SLC35F4: variants seen among roughly 807,000 people sequenced by gnomAD.
The protein encoded by SLC35F4 is chromosome 14 open reading frame 36.
Under a neutral mutation model 44.2 loss-of-function variants are expected in SLC35F4, and 24 were observed. The ratio of observed to expected loss-of-function variants is 0.54; its 90% CI spans 0.39 to 0.76. The LOEUF is 0.76. Ranked by LOEUF, SLC35F4 falls within the 30% of genes least tolerant of loss-of-function variation. The pLI is 0.00. For missense variants in SLC35F4, 562 were observed against 586.1 expected (o/e 0.96, Z 0.42); for synonymous variants, 238 against 223.6 (o/e 1.06, Z -0.57).
At chr14:57,601,836 A>G (rs2070843373) in intron 1 of SLC35F4, among the ~76,000 whole-genome samples, 1 of 152,192 alleles carries the variant, frequency 6.6e-6, no homozygotes, top group African/African-American at 2.4e-5. Context: ...TATTATCTCC[A>G]GACCTCACAA....
At chr14:57,957,155 T>C (rs878942994) in intron 1 of SLC35F4, among the ~76,000 whole-genome samples, 3 of 152,186 alleles carry the variant, frequency 2.0e-5, no homozygotes, top group Non-Finnish European at 4.4e-5. Context: ...TGGATAAAGC[T>C]GGAAACCATC....
At chr14:57,697,493 G>A (rs1265676773) in intron 1 of SLC35F4, among the ~76,000 whole-genome samples, 1 of 152,022 alleles carries the variant, frequency 6.6e-6, no homozygotes, top group Non-Finnish European at 1.5e-5. Context: ...TTGAGCTCAG[G>A]AGTTCGAGAC....
intron 1 of SLC35F4, among the ~76,000 whole-genome samples, chr14:57,688,998 T>A (rs538148827): frequency 6.6e-6 from 1 of 152,182 alleles, no homozygotes; most frequent in Non-Finnish European, 1.5e-5. Flanking sequence ...TGTGTACCTA[T>A]TATTTGTTAG....
At chr14:57,566,009 C>T (rs2068187330) in intron 7 of SLC35F4, among the ~76,000 whole-genome samples, 1 of 152,152 alleles carries the variant, frequency 6.6e-6, no homozygotes, top group African/African-American at 2.4e-5. Context: ...AGTAAAATTG[C>T]TTTTTCCTTA....
chr14:57,840,554 G>A lies in SLC35F4; in HGVS notation c.103+25169C>T, dbSNP rs144064074. On this transcript the variant is annotated intron_variant, in intron 1 of 7. Coordinates refer to ENST00000556826, the MANE Select transcript of SLC35F4 (RefSeq NM_001306087.2). ...CACTTAAATGAGACTTCTAGGAAACGGGCTTTGACATTGATTCCCATGGGT... is the reference window on the plus strand; with the variant it reads ...CACTTAAATGAGACTTCTAGGAAACAGGCTTTGACATTGATTCCCATGGGT... Among the ~76,000 whole-genome samples, 676 of 152,244 alleles carry A rather than the reference G, an allele frequency of 4.4e-3. 4 individuals are homozygous for A. The highest frequency in any genetic ancestry group is 7.5e-3 in the Non-Finnish European group (512 of 68,008).
chr14:57,903,259 GA>G (rs1316357819), intron 1 of SLC35F4, among the ~76,000 whole-genome samples: 1 of 152,156 alleles, frequency 6.6e-6, no homozygotes, highest in Admixed American at 6.5e-5. Context: ...GGGGAAAGGG[GA>G]TCAACAGATG....
intron 1 of SLC35F4, among the ~76,000 whole-genome samples, chr14:57,694,952 T>C (rs1276422604): frequency 3.3e-5 from 5 of 152,160 alleles, no homozygotes; most frequent in African/African-American, 7.2e-5. Context: ...ATGTACAAAA[T>C]AATATCATGT....
intron 1 of SLC35F4, among the ~76,000 whole-genome samples, chr14:57,849,171 T>A (rs1164560043): frequency 2.6e-5 from 4 of 152,184 alleles, no homozygotes; most frequent in Admixed American, 2.6e-4. Context: ...TATCCAAGAA[T>A]ACTGACTAAC....
At chr14:57,831,856 T>C (rs1413730688) in intron 1 of SLC35F4, among the ~76,000 whole-genome samples, 1 of 152,228 alleles carries the variant, frequency 6.6e-6, no homozygotes, top group African/African-American at 2.4e-5. Context: ...TGATTGAATT[T>C]ATTTTTCCAT....
At chr14:57,731,238 A>G (rs1339840838) in intron 1 of SLC35F4, among the ~76,000 whole-genome samples, 1 of 152,214 alleles carries the variant, frequency 6.6e-6, no homozygotes, top group South Asian at 2.1e-4. Flanking sequence ...CTACTTCCCC[A>G]GAATCTTCTT....
At chr14:57,783,432 A>G (rs1012630311) in intron 1 of SLC35F4, among the ~76,000 whole-genome samples, 2 of 152,170 alleles carry the variant, frequency 1.3e-5, no homozygotes, top group Non-Finnish European at 2.9e-5. Flanking sequence ...ATTTATTAGT[A>G]AGAAAGAGAA....
At chr14:57,848,773 G>A (rs1406089643) in intron 1 of SLC35F4, among the ~76,000 whole-genome samples, 1 of 152,168 alleles carries the variant, frequency 6.6e-6, no homozygotes, top group East Asian at 1.9e-4. Context: ...CATTGGGTAG[G>A]TTTGTTTGTA....
At chr14:57,584,594 AAGCTCTG>A (rs1385038426) in intron 3 of SLC35F4, among the ~76,000 whole-genome samples, 15 of 152,148 alleles carry the variant, frequency 9.9e-5, no homozygotes, top group African/African-American at 3.4e-4. Context: ...TTGACAATAA[AAGCTCTG>A]ATTCTATTTC....
At chr14:57,688,320 T>C (rs56162509) in intron 1 of SLC35F4, among the ~76,000 whole-genome samples, 1 of 152,124 alleles carries the variant, frequency 6.6e-6, no homozygotes, top group South Asian at 2.1e-4. Flanking sequence ...CAAGTAAAAT[T>C]TGGGATAAAT....
chr14:57,778,181 C>A (rs115797220), intron 1 of SLC35F4, among the ~76,000 whole-genome samples: 10 of 152,220 alleles, frequency 6.6e-5, no homozygotes, highest in Non-Finnish European at 1.3e-4. Flanking sequence ...TGTAACATGA[C>A]TTGCTCCTCC....
intron 1 of SLC35F4, among the ~76,000 whole-genome samples, chr14:57,704,246 T>C (rs2075613335): frequency 1.3e-5 from 2 of 152,172 alleles, no homozygotes; most frequent in Non-Finnish European, 2.9e-5. Context: ...CTTTGTGGTT[T>C]CCTATGTGTA....
chr14:57,570,640 A>G (rs1205774752), intron 5 of SLC35F4, among the ~76,000 whole-genome samples: 1 of 152,172 alleles, frequency 6.6e-6, no homozygotes, highest in African/African-American at 2.4e-5. Context: ...TAGCTTCTTA[A>G]GCCCACCACT....
chr14:57,719,335 T>A (rs1488975620), intron 1 of SLC35F4, among the ~76,000 whole-genome samples: 1 of 152,220 alleles, frequency 6.6e-6, no homozygotes, highest in Admixed American at 6.5e-5. Context: ...AATTTTAGGA[T>A]TGTTTTTCCA....
intron 1 of SLC35F4, among the ~76,000 whole-genome samples, chr14:57,979,424 C>T (rs1336088413): frequency 6.6e-6 from 1 of 152,096 alleles, no homozygotes; most frequent in Non-Finnish European, 1.5e-5. Context: ...ATTCTTATTC[C>T]AGCTGGTGTC....
Sources: allele counts gnomAD v4.1 joint callset (sites outside exome capture counted in the v4.1 genomes callset), GRCh38; gene constraint gnomAD v4.1.1; transcripts MANE v1.5; gene names NCBI Gene and HGNC (gene_info 2026-07-23, HGNC 2026-07-21).